Variants in CACNA1D observed in about 807,000 individuals in gnomAD.
The protein encoded by CACNA1D is voltage-dependent L-type calcium channel subunit alpha-1D.
In CACNA1D, 55 loss-of-function variants were observed where a neutral mutation model predicts 257.1. The ratio of observed to expected loss-of-function variants is 0.21; its 90% CI spans 0.17 to 0.27. The LOEUF (loss-of-function observed/expected upper bound fraction) is 0.27. Among genes scored for constraint, CACNA1D ranks in the 10% least tolerant of loss-of-function variants. The pLI is 1.00. For missense variants in CACNA1D, 1,876 were observed against 2,784.0 expected, an observed-to-expected ratio of 0.67 and a Z score of 7.34; for synonymous variants, 980 against 1,014.9, an observed-to-expected ratio of 0.97 and a Z score of 0.65.
intron 38 of CACNA1D, among the ~76,000 whole-genome samples, chr3:53,780,829 C>G (rs147349417): frequency 6.6e-6 from 1 of 152,206 alleles, no homozygotes; most frequent in African/African-American, 2.4e-5. Flanking sequence ...GTGGAGACCT[C>G]AAGGAGAGCT....
chr3:53,635,802 A>G (rs969075704), intron 3 of CACNA1D, among the ~76,000 whole-genome samples: 1 of 152,140 alleles, frequency 6.6e-6, no homozygotes, highest in Non-Finnish European at 1.5e-5. Context: ...GGTTCCACCC[A>G]TTCTCCTCTC....
chr3:53,622,854 G>A lies in CACNA1D; in HGVS notation c.484-27925G>A, dbSNP rs78942916. On this transcript the variant is annotated intron_variant, in intron 3 of 47. Transcript: ENST00000350061. ...TCAGCAAGAAAAAGGCATGAACTGT[G>A]ATAGAGGGAGGTAACATAATTATGT... 4.2e-3 allele frequency among the ~76,000 whole-genome samples: 632 copies of A among 151,942 alleles called. 21 individuals are homozygous for A. In the East Asian group the frequency reaches 0.083, roughly 20 times the overall value.
At chr3:53,773,268 AAGG>A in intron 33 of CACNA1D, 13 of 245,820 alleles carry the variant, frequency 5.3e-5, no homozygotes, top group South Asian at 1.1e-4. Flanking sequence ...GCGGGAACAG[AAGG>A]CTGGTGCTGA....
At chr3:53,761,569 G>A (rs1431713269) in intron 29 of CACNA1D, among the ~76,000 whole-genome samples, 2 of 152,262 alleles carry the variant, frequency 1.3e-5, no homozygotes, top group Non-Finnish European at 2.9e-5. Flanking sequence ...AAATGGAAAT[G>A]TGTGCAATAC....
At chr3:53,744,424 A>G (rs954155391) in intron 22 of CACNA1D, among the ~76,000 whole-genome samples, 1 of 152,236 alleles carries the variant, frequency 6.6e-6, no homozygotes, top group African/African-American at 2.4e-5. Context: ...TATGAAGCCT[A>G]AAAGCCAGCT....
At chr3:53,562,995 G>A (rs62251905) in intron 3 of CACNA1D, among the ~76,000 whole-genome samples, 38,740 of 152,134 alleles carry the variant, frequency 0.25, 5,136 homozygotes, top group South Asian at 0.33. Context: ...TGACCACTTG[G>A]CCTGTAACCG....
intron 3 of CACNA1D, among the ~76,000 whole-genome samples, chr3:53,532,495 T>C (rs2091981378): frequency 1.3e-5 from 2 of 152,120 alleles, no homozygotes; most frequent in Admixed American, 1.3e-4. Flanking sequence ...TGGAGAGAAG[T>C]ACCAAGTGGG....
intron 3 of CACNA1D, among the ~76,000 whole-genome samples, chr3:53,586,395 T>C (rs2093218163): frequency 6.6e-6 from 1 of 151,702 alleles, no homozygotes; most frequent in African/African-American, 2.4e-5. Flanking sequence ...CCTCATCTAC[T>C]CTCTTGGTTT....
chr3:53,608,661 A>G (rs892563700), intron 3 of CACNA1D, among the ~76,000 whole-genome samples: 8 of 152,052 alleles, frequency 5.3e-5, no homozygotes, highest in Admixed American at 1.3e-4. Context: ...TTCTATTTCT[A>G]TTTCTCAGGA....
chr3:53,746,173 G>A (rs1237267102), intron 25 of CACNA1D, among the ~76,000 whole-genome samples: 2 of 152,080 alleles, frequency 1.3e-5, no homozygotes, highest in Non-Finnish European at 2.9e-5. Flanking sequence ...CTTTTGTGGT[G>A]GAGAATCTAT....
intron 2 of CACNA1D, among the ~76,000 whole-genome samples, chr3:53,497,902 G>A (rs1324463935): frequency 6.6e-6 from 1 of 152,196 alleles, no homozygotes; most frequent in East Asian, 1.9e-4. Flanking sequence ...TTGACCTTTA[G>A]TAGAATCTTC....
chr3:53,676,021 C>T (rs1219206205), intron 8 of CACNA1D, among the ~76,000 whole-genome samples: 2 of 152,186 alleles, frequency 1.3e-5, no homozygotes, highest in Non-Finnish European at 2.9e-5. Flanking sequence ...GCCAGTATTT[C>T]CTGAGATCCT....
intron 9 of CACNA1D, among the ~76,000 whole-genome samples, chr3:53,713,307 G>A (rs745399988): frequency 6.6e-6 from 1 of 152,202 alleles, no homozygotes; most frequent in African/African-American, 2.4e-5. Context: ...CCAAGCATAG[G>A]GGAAAAGAGG....
intron 3 of CACNA1D, among the ~76,000 whole-genome samples, chr3:53,638,288 A>T (rs1486602432): frequency 1.3e-5 from 2 of 152,218 alleles, no homozygotes; most frequent in Non-Finnish European, 2.9e-5. Flanking sequence ...GCTTTAGATG[A>T]GGCAGCTGTC....
chr3:53,727,735 C>T (rs994256613), intron 15 of CACNA1D, among the ~76,000 whole-genome samples: 8 of 152,236 alleles, frequency 5.3e-5, no homozygotes, highest in Non-Finnish European at 8.8e-5. Flanking sequence ...GCATGAACGA[C>T]GTACACACTC....
rs146925945 is a variant in CACNA1D, at chr3:53,506,309, A to G, written c.483+4589A>G. Reference sequence around the variant, plus strand: ...TTTCCCTCTGGACACCCCTGTGCCCAGTCCAACTCTCCTGTACAGACACCA... The same window carrying G: ...TTTCCCTCTGGACACCCCTGTGCCCGGTCCAACTCTCCTGTACAGACACCA... On this transcript the variant is annotated intron_variant, in intron 3 of 47. Coordinates refer to ENST00000350061, the MANE Select transcript of CACNA1D (RefSeq NM_001128840.3). Among the ~76,000 whole-genome samples, 7 of 152,276 alleles carry G rather than the reference A, an allele frequency of 4.6e-5. No homozygotes were observed. In the East Asian group the frequency reaches 1.4e-3, roughly 29 times the overall value.
rs773999215 is a variant in CACNA1D, at chr3:53,730,503, G to T, written c.2283G>T (p.Leu761=). The change falls in exon 16 of 48, where the codon CTG becomes CTT. Residue 761 remains leucine, a synonymous_variant. Coordinates refer to ENST00000350061, the MANE Select transcript of CACNA1D (RefSeq NM_001128840.3). ...AVDNLADAES[L]NTAQKEEAEE... is the part of the protein sequence containing the mutation. ...ACAATTTGGCTGATGCTGAAAGTCT[G>T]AACACTGCTCAGAAAGAAGAAGCGG... 1 of 1,614,172 alleles carries T rather than the reference G, an allele frequency of 6.2e-7. No individual in the cohort carries two copies. Among genetic ancestry groups the T allele is most frequent in the Non-Finnish European group, 8.5e-7 (1 of 1,179,988 alleles).
At chr3:53,531,371 A>G (rs1216578166) in intron 3 of CACNA1D, among the ~76,000 whole-genome samples, 2 of 144,686 alleles carry the variant, frequency 1.4e-5, no homozygotes, top group African/African-American at 4.9e-5. Context: ...AAAGTGATAT[A>G]GAATAGAGAC....
chr3:53,574,660 C>T (rs985194174), intron 3 of CACNA1D, among the ~76,000 whole-genome samples: 1 of 151,906 alleles, frequency 6.6e-6, no homozygotes, highest in South Asian at 2.1e-4. Context: ...TCTCCCCCAC[C>T]CCCAGCACAC....
Sources: gnomAD v4.1 joint callset for allele counts (sites outside exome capture counted in the v4.1 genomes callset) on GRCh38, gnomAD v4.1.1 for gene constraint, MANE v1.5 for transcripts, NCBI Gene and HGNC (gene_info 2026-07-23, HGNC 2026-07-21) for gene names.